Variants in PGLYRP4 observed in about 807,000 individuals in gnomAD.
The protein encoded by PGLYRP4 is PGRP-I-beta.
In PGLYRP4, 39 loss-of-function variants were observed where a neutral mutation model predicts 41.2. The ratio of observed to expected loss-of-function variants is 0.95; its 90% CI spans 0.73 to 1.24. The LOEUF (loss-of-function observed/expected upper bound fraction) is 1.24, where lower values mean the gene tolerates loss of function less well. Among genes scored for constraint, PGLYRP4 ranks in the 50% most tolerant of loss-of-function variants. PGLYRP4 has a pLI of 0.00. For synonymous variants in PGLYRP4, 202 were observed against 186.8 expected (o/e 1.08, Z -0.66); for missense variants, 467 against 460.7 (o/e 1.01, Z -0.13).
Position 153,340,535 on chromosome 1 carries a change from T to C in PGLYRP4, c.670A>G (p.Thr224Ala). ...VPRSVWGARETHCPRMTLPAK... is the reference protein window; with the variant it reads ...VPRSVWGAREAHCPRMTLPAK... The stretch of plus-strand genomic sequence containing the variant: ...GGGAGAGTCATCCTGGGACAGTGGG[T>C]CTCCCTGGCTCCCCACACAGACCGT... Residue 224 changes from threonine to alanine, a missense_variant, in exon 7 of 9, where the codon ACC becomes GCC. By Grantham distance (58) the Thr-to-Ala change is moderately conservative. Coordinates refer to ENST00000359650, the MANE Select transcript of PGLYRP4 (RefSeq NM_020393.4). 6.2e-7 allele frequency: 1 copy of C among 1,613,948 alleles called. No homozygotes were observed. Among genetic ancestry groups the C allele is most frequent in the East Asian group, 2.2e-5 (1 of 44,868 alleles).
At chr1:153,332,295 CAT>C (rs1474768918) in intron 8 of PGLYRP4, among the ~76,000 whole-genome samples, 1 of 151,934 alleles carries the variant, frequency 6.6e-6, no homozygotes, top group Non-Finnish European at 1.5e-5. Context: ...GCACCCAACT[CAT>C]ATATATATAA....
chr1:153,336,832 A>T (rs821434), intron 8 of PGLYRP4, among the ~76,000 whole-genome samples: 4 of 152,226 alleles, frequency 2.6e-5, no homozygotes, highest in East Asian at 1.9e-4. Flanking sequence ...GCATATAAGG[A>T]AAAGTGTCTC....
Position 153,345,500 on chromosome 1 carries a change from T to C in PGLYRP4, c.140-118A>G, listed in dbSNP as rs1571142822. 48 of 833,982 alleles carry C rather than the reference T, an allele frequency of 5.8e-5. No individual in the cohort carries two copies. In the South Asian group the frequency reaches 7.3e-4, roughly 13 times the overall value. The allele number at this position is 833,982 out of a possible 1,614,324, so 51.7% of individuals were successfully genotyped here. A position where few individuals can be genotyped will look rare whatever the true frequency, so the allele number is the denominator to read the frequency against. ...AGTGGAAGAGCCTTCAGCAGGCAGGTGCACCTGCCCTGCCCACCTCTACAT... is the reference window on the plus strand; with the variant it reads ...AGTGGAAGAGCCTTCAGCAGGCAGGCGCACCTGCCCTGCCCACCTCTACAT... On this transcript the variant is annotated intron_variant, in intron 3 of 8. Coordinates refer to ENST00000359650, the MANE Select transcript of PGLYRP4 (RefSeq NM_020393.4).
At chr1:153,343,004 T>G in intron 5 of PGLYRP4, 86 bp downstream of exon 5, 2 of 763,096 alleles carry the variant, frequency 2.6e-6, no homozygotes, top group South Asian at 1.6e-5. Context: ...GACAGCAGAG[T>G]AGCAGATAGC....
intron 4 of PGLYRP4, among the ~76,000 whole-genome samples, chr1:153,344,535 A>T (rs1482858638): frequency 6.6e-6 from 1 of 152,166 alleles, no homozygotes; most frequent in African/African-American, 2.4e-5. Context: ...GAAAGCAGAG[A>T]GATGTGTTGG....
At chr1:153,333,343 A>T (rs1419134071) in intron 8 of PGLYRP4, among the ~76,000 whole-genome samples, 1 of 152,196 alleles carries the variant, frequency 6.6e-6, no homozygotes, top group East Asian at 1.9e-4. Flanking sequence ...ATTCCTGGAA[A>T]CATACAACAT....
chr1:153,345,332 C>T lies in PGLYRP4; in HGVS notation c.190G>A (p.Glu64Lys). The T allele has an allele frequency of 6.2e-7, 1 of 1,614,202 alleles. No individual in the cohort carries two copies. Among genetic ancestry groups the T allele is most frequent in the Non-Finnish European group, 8.5e-7 (1 of 1,180,016 alleles). Residue 64 changes from glutamate (E) to lysine (K), a missense_variant, in exon 4 of 9, where the codon GAA (glutamate) becomes AAA (lysine). By Grantham distance (56) the Glu-to-Lys change is moderately conservative (BLOSUM62 1). Transcript: ENST00000359650. ...TTVSRKAWGA[E>K]AVGCSIQLTT... is the part of the protein sequence containing the mutation. ...AGCTGAATACTGCAGCCAACAGCTTCTGCCCCCCATGCCTTGCGAGAGACC... is the reference window on the plus strand; with the variant it reads ...AGCTGAATACTGCAGCCAACAGCTTTTGCCCCCCATGCCTTGCGAGAGACC...
In PGLYRP4 at chr1:153,345,396, C is replaced by T; in HGVS notation, c.140-14G>A. On this transcript the variant is annotated splice_polypyrimidine_tract_variant and intron_variant, in intron 3 of 8. Transcript: ENST00000359650. ...CTGTGGGAAGGCCTTGGGGACGTCACTCAGCGCACCTGCCCCATCACTACC... is the reference window on the plus strand; with the variant it reads ...CTGTGGGAAGGCCTTGGGGACGTCATTCAGCGCACCTGCCCCATCACTACC... The T allele has an allele frequency of 1.2e-6, 2 of 1,608,364 alleles. No homozygotes were observed.
chr1:153,341,737 A>C lies in PGLYRP4; in HGVS notation c.515T>G (p.Leu172Arg), dbSNP rs772050712. The C allele has an allele frequency of 2.5e-5, 41 of 1,613,938 alleles. No individual in the cohort carries two copies. The highest frequency in any genetic ancestry group is 3.1e-5 in the Non-Finnish European group (36 of 1,180,038). ...SPAALSAMEN[L>R]ITYAVQKGHL... ...GCCCTTCTGGACAGCATAGGTGATT[A>C]GGTTTTCCATGGCCGACAGGGCAGC... The change falls in exon 6 of 9, where the codon CTA becomes CGA. Residue 172 changes from leucine (L) to arginine (R), a missense_variant. By Grantham distance (102) the Leu-to-Arg change is moderately radical. Coordinates refer to ENST00000359650, the MANE Select transcript of PGLYRP4 (RefSeq NM_020393.4).
chr1:153,341,053 T>C (rs553803434), intron 6 of PGLYRP4, among the ~76,000 whole-genome samples: 2 of 152,318 alleles, frequency 1.3e-5, no homozygotes, highest in African/African-American at 4.8e-5. Context: ...TCTGTGTAAG[T>C]GGTGGTCTAA....
At chr1:153,343,545 C>G (rs758660153) in intron 4 of PGLYRP4, among the ~76,000 whole-genome samples, 3 of 152,148 alleles carry the variant, frequency 2.0e-5, no homozygotes, top group Non-Finnish European at 2.9e-5. Context: ...TTCCTTAAAC[C>G]GGGCTCTCCT....
In PGLYRP4 at chr1:153,340,590, G is replaced by T. The variant is rs1660758135; in HGVS notation, c.626-11C>A. On this transcript the variant is annotated splice_polypyrimidine_tract_variant and intron_variant, in intron 6 of 8. Coordinates refer to ENST00000359650, the MANE Select transcript of PGLYRP4 (RefSeq NM_020393.4). ...CAACGCCGGGGCAAGCTGAGGTGGG[G>T]CGAGAAACCACAGAGGGTTCATCTT... 1 of 1,612,706 alleles carries T rather than the reference G, an allele frequency of 6.2e-7. No homozygotes were observed.
At chr1:153,346,074 AC>A (rs1206815195) in intron 3 of PGLYRP4, 27 bp downstream of exon 3, 3 of 1,538,132 alleles carry the variant, frequency 2.0e-6, no homozygotes, top group Non-Finnish European at 2.7e-6. Context: ...TCGTCCCAAA[AC>A]CCCCTTACTA....
intron 6 of PGLYRP4, among the ~76,000 whole-genome samples, chr1:153,340,988 C>A: frequency 6.6e-6 from 1 of 152,152 alleles, no homozygotes; most frequent in African/African-American, 2.4e-5. Context: ...CTTGTTAAAC[C>A]CAAAATGGTA....
At chr1:153,337,857 T>C (rs183729048) in intron 7 of PGLYRP4, among the ~76,000 whole-genome samples, 1 of 152,318 alleles carries the variant, frequency 6.6e-6, no homozygotes, top group East Asian at 1.9e-4. Flanking sequence ...CATTTGACTC[T>C]GCCACACCTC....
chr1:153,333,889 T>A (rs1660434689), intron 8 of PGLYRP4, among the ~76,000 whole-genome samples: 1 of 152,128 alleles, frequency 6.6e-6, no homozygotes, highest in Non-Finnish European at 1.5e-5. Flanking sequence ...CTCAACAAAC[T>A]AGGCATCAAA....
At chr1:153,345,113 G>A (rs570189487) in intron 4 of PGLYRP4, 56 bp downstream of exon 4, 3 of 1,331,748 alleles carry the variant, frequency 2.3e-6, no homozygotes, top group East Asian at 4.6e-5. Flanking sequence ...GACAGGAGAA[G>A]CATCCCAGGG....
At chr1:153,346,296 C>T in intron 2 of PGLYRP4, 105 bp from the exon 3 acceptor site, 1 of 837,224 alleles carries the variant, frequency 1.2e-6, no homozygotes, top group Non-Finnish European at 2.1e-6. Flanking sequence ...TGCCCCTCTG[C>T]CTCCTCAAAT....
chr1:153,345,981 A>G (rs1000583147), intron 3 of PGLYRP4, 121 bp downstream of exon 3: 18 of 764,286 alleles, frequency 2.4e-5, no homozygotes, highest in African/African-American at 3.4e-5. Context: ...TGCTCTCTGC[A>G]CTTCAACCCC....
Sources: gnomAD v4.1 joint callset for allele counts (sites outside exome capture counted in the v4.1 genomes callset) on GRCh38, gnomAD v4.1.1 for gene constraint, MANE v1.5 for transcripts, NCBI Gene and HGNC (gene_info 2026-07-23, HGNC 2026-07-21) for gene names.